NPTN: variants seen among roughly 807,000 people sequenced by gnomAD.
NPTN encodes SDR-1.
A neutral mutation model predicts 42.7 loss-of-function variants in NPTN; 5 were observed. The ratio of observed to expected loss-of-function variants is 0.12; its 90% CI spans 0.06 to 0.25. NPTN has a LOEUF of 0.25. NPTN is among the 10% of genes least tolerant of loss of function. The probability of loss-of-function intolerance (pLI) is 1.00; values close to 1 mark genes in which losing one functional copy is unlikely to be tolerated. For synonymous variants in NPTN, 180 were observed against 201.9 expected, an observed-to-expected ratio of 0.89 and a Z score of 0.92; for missense variants, 307 against 525.4, an observed-to-expected ratio of 0.58 and a Z score of 4.06.
chr15:73,592,997 A>C (rs1028225569), intron 2 of NPTN, among the ~76,000 whole-genome samples: 1 of 152,170 alleles, frequency 6.6e-6, no homozygotes. Context: ...CCTAGAAGAC[A>C]TATCTGACTG....
intron 4 of NPTN, among the ~76,000 whole-genome samples, chr15:73,574,425 T>C (rs1232142215): frequency 6.6e-6 from 1 of 152,142 alleles, no homozygotes; most frequent in Non-Finnish European, 1.5e-5. Flanking sequence ...TTTTTTTTAA[T>C]TGAATGACTG....
chr15:73,632,203 CCAA>C (rs1566996611), intron 1 of NPTN, among the ~76,000 whole-genome samples: 1 of 152,008 alleles, frequency 6.6e-6, no homozygotes, highest in African/African-American at 2.4e-5. Context: ...ACACTGCAAA[CCAA>C]CATTACACCC....
chr15:73,602,299 C>T (rs1217724975), intron 1 of NPTN, among the ~76,000 whole-genome samples: 1 of 152,152 alleles, frequency 6.6e-6, no homozygotes. Context: ...TCCCTTCAAA[C>T]CCCCTCTACC....
chr15:73,600,808 T>TA (rs770333056), intron 1 of NPTN, among the ~76,000 whole-genome samples: 8 of 152,160 alleles, frequency 5.3e-5, no homozygotes, highest in Non-Finnish European at 7.3e-5. Context: ...AGAATGGAGA[T>TA]AGAGAAGCAC....
intron 6 of NPTN, chr15:73,567,459 A>C: frequency 1.0e-6 from 1 of 985,350 alleles, no homozygotes; most frequent in Non-Finnish European, 1.2e-6. Context: ...CGTTTATTCC[A>C]AAAGGAGTGT....
At chr15:73,604,082 A>G (rs908374564) in intron 1 of NPTN, among the ~76,000 whole-genome samples, 1 of 152,172 alleles carries the variant, frequency 6.6e-6, no homozygotes, top group African/African-American at 2.4e-5. Context: ...CCTGTTGCCA[A>G]TTCCTACTGA....
chr15:73,563,385 T>C (rs1894804770), intron 6 of NPTN, 128 bp from the exon 7 acceptor site: 9 of 1,492,420 alleles, frequency 6.0e-6, no homozygotes, highest in Non-Finnish European at 8.0e-6. Context: ...TCACAGCATT[T>C]ATTAAAGGCC....
rs141089723 is a variant in NPTN at position 73,599,985 on chromosome 15, G to A, written c.92-2616C>T. 1.2e-3 allele frequency among the ~76,000 whole-genome samples: 179 copies of A among 152,302 alleles called. 2 individuals carry two copies. The highest frequency in any genetic ancestry group is 3.3e-3 in the Admixed American group (51 of 15,300). On this transcript the variant is annotated intron_variant, in intron 1 of 8. Transcript: ENST00000345330. ...TTATCAATCTGTTGACAATGCTAAT[G>A]TAAAAAAGATGCCTGAAAGTATCCT...
chr15:73,572,060 C>T (rs921449930), intron 5 of NPTN, among the ~76,000 whole-genome samples: 2 of 152,174 alleles, frequency 1.3e-5, no homozygotes, highest in Admixed American at 6.5e-5. Context: ...ATCTTCACCT[C>T]GGCAATCCTC....
chr15:73,603,652 T>C (rs1205532145), intron 1 of NPTN, among the ~76,000 whole-genome samples: 1 of 152,204 alleles, frequency 6.6e-6, no homozygotes, highest in Non-Finnish European at 1.5e-5. Flanking sequence ...AGAGAGGCAG[T>C]ACAAATTCTC....
chr15:73,575,265 G>T (rs1895625611), intron 4 of NPTN, among the ~76,000 whole-genome samples: 3 of 152,218 alleles, frequency 2.0e-5, no homozygotes, highest in Admixed American at 2.0e-4. Flanking sequence ...TTACAGGCGT[G>T]AGCCATCACG....
chr15:73,604,076 T>C (rs1443179687), intron 1 of NPTN, among the ~76,000 whole-genome samples: 1 of 152,144 alleles, frequency 6.6e-6, no homozygotes, highest in East Asian at 1.9e-4. Flanking sequence ...TTCAGTCCTG[T>C]TGCCAATTCC....
rs1894596684 is a variant in NPTN, at chr15:73,560,466, TTAAAATTA to T, written c.*589_*596del. 2 of 152,514 alleles carry T rather than the reference TTAAAATTA, an allele frequency of 1.3e-5. No individual in the cohort carries two copies. The highest frequency in any genetic ancestry group is 4.1e-4 in the South Asian group (2 of 4,834). 9.4% of individuals were successfully genotyped at this position (152,514 alleles called of 1,614,324 possible). A position where few individuals can be genotyped will look rare whatever the true frequency, so the allele number is the denominator to read the frequency against. ...CTTATTAAAGTCACAGGTTAAGCCC[TTAAAATTA>T]TAGATTTCAGTTTATATTACTCATC... is the stretch of plus-strand genomic sequence containing the variant. On this transcript the variant is annotated 3_prime_UTR_variant, in exon 9 of 9. Transcript: ENST00000345330.
chr15:73,615,827 T>C (rs939136038), intron 1 of NPTN, among the ~76,000 whole-genome samples: 1 of 152,020 alleles, frequency 6.6e-6, no homozygotes, highest in Non-Finnish European at 1.5e-5. Flanking sequence ...TCCAAGATGG[T>C]TACTAAAATG....
intron 4 of NPTN, among the ~76,000 whole-genome samples, chr15:73,576,370 C>A (rs1484295228): frequency 3.3e-5 from 5 of 152,172 alleles, no homozygotes; most frequent in Non-Finnish European, 7.3e-5. Context: ...TCTCTGTTGG[C>A]CAGGCTGGAA....
intron 1 of NPTN, among the ~76,000 whole-genome samples, chr15:73,609,317 G>A (rs79749537): frequency 0.05 from 7,597 of 152,260 alleles, 288 homozygotes; most frequent in Non-Finnish European, 0.077. Context: ...TGAGTAGAGT[G>A]TGTAATGCTA....
chr15:73,570,060 C>A lies in NPTN; in HGVS notation c.1114+90G>T, dbSNP rs527291730. On this transcript the variant is annotated intron_variant, in intron 6 of 8. Coordinates refer to ENST00000345330, the MANE Select transcript of NPTN (RefSeq NM_012428.4). The surrounding 1 kb of genome is among the most constrained non-coding windows in gnomAD (Gnocchi z 4.0). ...CCTTCTTTCCTTTAGGGATTGAATCCCAACATCCCTATAGTCCTCTTTGGG... is the reference window on the plus strand; with the variant it reads ...CCTTCTTTCCTTTAGGGATTGAATCACAACATCCCTATAGTCCTCTTTGGG... 1.4e-4 allele frequency: 175 copies of A among 1,266,118 alleles called. No individual in the cohort carries two copies. Among genetic ancestry groups the A allele is most frequent in the Middle Eastern group, 4.0e-4 (2 of 4,984 alleles). 78.4% of individuals were successfully genotyped at this position (1,266,118 alleles called of 1,614,324 possible).
At chr15:73,587,738 T>G (rs888104278) in intron 3 of NPTN, 120 bp from the exon 4 acceptor site, 3 of 685,280 alleles carry the variant, frequency 4.4e-6, no homozygotes, top group Non-Finnish European at 7.6e-6. Flanking sequence ...GCAACTCACC[T>G]CCTTCTAACT....
chr15:73,599,149 A>G (rs900725111), intron 1 of NPTN, among the ~76,000 whole-genome samples: 1 of 152,088 alleles, frequency 6.6e-6, no homozygotes, highest in Admixed American at 6.5e-5. Flanking sequence ...AGCCCAACAG[A>G]TGTCATTCTC....
Sources: gnomAD v4.1 joint callset for allele counts (sites outside exome capture counted in the v4.1 genomes callset) on GRCh38, gnomAD v4.1.1 for gene constraint, Gnocchi (gnomAD v3.1) non-coding constraint, MANE v1.5 for transcripts, NCBI Gene and HGNC (gene_info 2026-07-23, HGNC 2026-07-21) for gene names.